The following CNR1 variants were observed in gnomAD, a reference collection of about 807,000 sequenced individuals.
CNR1 encodes cannabinoid receptor 1 (brain).
In CNR1, 10 loss-of-function variants were observed where a neutral mutation model predicts 23.0. That is an observed-to-expected ratio of 0.43 (90% confidence interval 0.27 to 0.74). CNR1 has a LOEUF of 0.74. CNR1 is among the 30% of genes least tolerant of loss of function. The pLI, the probability that CNR1 is intolerant of heterozygous loss-of-function variation, is 0.19. For synonymous variants in CNR1, 271 were observed against 255.2 expected, an observed-to-expected ratio of 1.06 and a Z score of -0.59; for missense variants, 422 against 618.8, an observed-to-expected ratio of 0.68 and a Z score of 3.37.
At chr6:88,159,912 T>C (rs867973532) in intron 1 of CNR1, among the ~76,000 whole-genome samples, 20 of 152,198 alleles carry the variant, frequency 1.3e-4, no homozygotes, top group Middle Eastern at 6.8e-3. Flanking sequence ...AATAAATAAA[T>C]TTGATTAATT....
intron 1 of CNR1, among the ~76,000 whole-genome samples, chr6:88,162,147 C>T (rs1778142705): frequency 1.3e-5 from 2 of 152,192 alleles, no homozygotes; most frequent in South Asian, 4.1e-4. Context: ...GGCCTCGTTT[C>T]CATTCAAGGT....
intron 1 of CNR1, among the ~76,000 whole-genome samples, chr6:88,152,260 C>A: frequency 6.6e-6 from 1 of 150,986 alleles, no homozygotes; most frequent in African/African-American, 2.4e-5. Flanking sequence ...AGGCATTTTG[C>A]CAATAGTAAT....
At chr6:88,154,256 G>C (rs575784933) in intron 1 of CNR1, among the ~76,000 whole-genome samples, 1 of 152,284 alleles carries the variant, frequency 6.6e-6, no homozygotes, top group East Asian at 1.9e-4. Context: ...ACTTATACGA[G>C]TGTAGTAGAC....
At chr6:88,162,862 TATAA>T (rs1234355621) in intron 1 of CNR1, 2 of 152,226 alleles carry the variant, frequency 1.3e-5, no homozygotes, top group African/African-American at 4.8e-5. Context: ...ACAGCAGAAT[TATAA>T]ATAATTTAAA....
In CNR1 at chr6:88,143,501, A is replaced by T; in HGVS notation, c.*355T>A. The T allele has an allele frequency of 4.6e-6, 1 of 218,612 alleles. No individual in the cohort carries two copies. The highest frequency in any genetic ancestry group is 9.1e-6 in the Non-Finnish European group (1 of 109,290). The allele number at this position is 218,612 out of a possible 1,614,324, so 13.5% of individuals were successfully genotyped here. On this transcript the variant is annotated 3_prime_UTR_variant, in exon 2 of 2. Transcript: ENST00000369501. ...CTGATACTACGGACAGTTACATTTC[A>T]CATTATAGTGAAAGTTGTGGTTACA...
In CNR1 at chr6:88,163,526, G is replaced by C. The variant is rs147170262; in HGVS notation, c.-64+2277C>G. Among the ~76,000 whole-genome samples the C allele has an allele frequency of 2.1e-3, 326 of 152,282 alleles. 5 individuals are homozygous for C. Among genetic ancestry groups the C allele is most frequent in the African/African-American group, 6.9e-3 (288 of 41,564 alleles). ...AAGAAGCCTGTCTAAATTTCCCCGT[G>C]GTTAATGTTAATTTTGAGTCAAAGC... is the stretch of plus-strand genomic sequence containing the variant. On this transcript the variant is annotated intron_variant, in intron 1 of 1. Transcript: ENST00000369501.
At chr6:88,160,594 C>T (rs1265136253) in intron 1 of CNR1, among the ~76,000 whole-genome samples, 2 of 151,912 alleles carry the variant, frequency 1.3e-5, no homozygotes, top group African/African-American at 4.8e-5. Context: ...GCCACCATGC[C>T]CGGCTAATTT....
In CNR1 at chr6:88,140,445, A is replaced by G. The variant is rs1291333271; in HGVS notation, c.*3411T>C. 1 of 152,804 alleles carries G rather than the reference A, an allele frequency of 6.5e-6. No homozygotes were observed. The highest frequency in any genetic ancestry group is 1.5e-5 in the Non-Finnish European group (1 of 68,046). The allele number at this position is 152,804 out of a possible 1,614,324, so 9.5% of individuals were successfully genotyped here. A position where few individuals can be genotyped will look rare whatever the true frequency, so the allele number is the denominator to read the frequency against. ...TGACTTTTTAGAAACCTATTTACAT[A>G]CATTCAGCCCAAATCAGTAGATAGA... On this transcript the variant is annotated 3_prime_UTR_variant, in exon 2 of 2. Transcript: ENST00000369501.
At chr6:88,159,145 T>G (rs1777954381) in intron 1 of CNR1, among the ~76,000 whole-genome samples, 1 of 152,206 alleles carries the variant, frequency 6.6e-6, no homozygotes, top group Non-Finnish European at 1.5e-5. Context: ...CCTTCACCAC[T>G]ACTGTGAAGG....
chr6:88,159,560 G>A (rs942478073), intron 1 of CNR1, among the ~76,000 whole-genome samples: 1 of 152,116 alleles, frequency 6.6e-6, no homozygotes, highest in African/African-American at 2.4e-5. Context: ...CTTTAGCTGA[G>A]GACTAAAATA....
At chr6:88,161,829 A>G (rs1476705293) in intron 1 of CNR1, among the ~76,000 whole-genome samples, 1 of 152,106 alleles carries the variant, frequency 6.6e-6, no homozygotes, top group African/African-American at 2.4e-5. Flanking sequence ...CCCCCTAACA[A>G]ATTTCCTATA....
chr6:88,157,879 T>C (rs1171160224), intron 1 of CNR1, among the ~76,000 whole-genome samples: 1 of 152,218 alleles, frequency 6.6e-6, no homozygotes, highest in Admixed American at 6.5e-5. Context: ...TTGCTTCAAA[T>C]ATTCATACAA....
At position 88,143,867 on chromosome 6, in the gene CNR1, C is replaced by T. The variant is rs1776974152; in HGVS notation, c.1408G>A (p.Glu470Lys). ...TMSVSTDTSAEAL is the reference protein window; with the variant it reads ...TMSVSTDTSAKAL ...GGGAGGCATCAGGCTCACAGAGCCT[C>T]GGCAGACGTGTCTGTGGACACAGAC... The change falls in exon 2 of 2, where the codon GAG becomes AAG. Residue 470 changes from glutamate to lysine, a missense_variant. Coordinates refer to ENST00000369501, the MANE Select transcript of CNR1 (RefSeq NM_016083.6). 8 of 1,613,024 alleles carry T rather than the reference C, an allele frequency of 5.0e-6. No homozygotes were observed. Among genetic ancestry groups the T allele is most frequent in the East Asian group, 4.5e-5 (2 of 44,842 alleles).
Position 88,145,098 on chromosome 6 carries a change from T to C in CNR1, c.177A>G (p.Gln59=). The C allele has an allele frequency of 1.2e-6, 2 of 1,614,196 alleles. No individual in the cohort carries two copies. Among genetic ancestry groups the C allele is most frequent in the Non-Finnish European group, 1.7e-6 (2 of 1,180,024 alleles). ...GGTTGTCTCCCGCAGTCATCTTCTCTTGGAAGGGACTTCCCCTAAAGGAAG... is the reference window on the plus strand; with the variant it reads ...GGTTGTCTCCCGCAGTCATCTTCTCCTGGAAGGGACTTCCCCTAAAGGAAG... The part of the protein sequence containing the change: ...PLTSFRGSPF[Q]EKMTAGDNPQ... Residue 59 remains glutamine (Q), a synonymous_variant, in exon 2 of 2, where the codon CAA becomes CAG. Coordinates refer to ENST00000369501, the MANE Select transcript of CNR1 (RefSeq NM_016083.6).
In CNR1 at chr6:88,142,373, C is replaced by T. The variant is rs1262535616; in HGVS notation, c.*1483G>A. On this transcript the variant is annotated 3_prime_UTR_variant, in exon 2 of 2. Transcript: ENST00000369501. ...CTACACACGCTATTGAAAAATGTTA[C>T]CATTGTTTTTCTGTAGAACTGTCTT... 3 of 149,846 alleles carry T rather than the reference C, an allele frequency of 2.0e-5. No individual in the cohort carries two copies. The highest frequency in any genetic ancestry group is 4.4e-5 in the Non-Finnish European group (3 of 67,448). 9.3% of individuals were successfully genotyped at this position (149,846 alleles called of 1,614,324 possible). A position where few individuals can be genotyped will look rare whatever the true frequency, so the allele number is the denominator to read the frequency against.
At chr6:88,146,888 G>A (rs1582334354) in intron 1 of CNR1, among the ~76,000 whole-genome samples, 1 of 152,194 alleles carries the variant, frequency 6.6e-6, no homozygotes, top group South Asian at 2.1e-4. Flanking sequence ...CCTAATATCT[G>A]AATTAATAAT....
At chr6:88,145,813 G>A (rs1372334586) in intron 1 of CNR1, among the ~76,000 whole-genome samples, 3 of 152,208 alleles carry the variant, frequency 2.0e-5, no homozygotes, top group African/African-American at 7.2e-5. Flanking sequence ...TCAGACAAAT[G>A]AGACTAAATG....
chr6:88,149,130 G>A (rs1777380703), intron 1 of CNR1, among the ~76,000 whole-genome samples: 1 of 152,292 alleles, frequency 6.6e-6, no homozygotes, highest in African/African-American at 2.4e-5. Context: ...CGCCAATCAA[G>A]TCAAGGCAGT....
chr6:88,161,531 C>T (rs757865368), intron 1 of CNR1, among the ~76,000 whole-genome samples: 1 of 152,142 alleles, frequency 6.6e-6, no homozygotes, highest in Non-Finnish European at 1.5e-5. Context: ...TATATACATG[C>T]AACTAACTGT....
Sources: gnomAD v4.1 joint callset for allele counts (sites outside exome capture counted in the v4.1 genomes callset) on GRCh38, gnomAD v4.1.1 for gene constraint, MANE v1.5 for transcripts, NCBI Gene and HGNC (gene_info 2026-07-23, HGNC 2026-07-21) for gene names.